The following DRC11 variants were observed in gnomAD, a reference collection of about 807,000 sequenced individuals.
DRC11 encodes dynein regulatory complex subunit 11, also known as IQ and AAA domain-containing protein 1.
chr2:236,389,871 T>G, the DRC11 span, among the ~76,000 whole-genome samples: 1 of 152,224 alleles, frequency 6.6e-6, no homozygotes, highest in East Asian at 1.9e-4. Flanking sequence ...TTTTCAATAT[T>G]CTTATATTTA....
the DRC11 span, among the ~76,000 whole-genome samples, chr2:236,501,643 C>T: frequency 1.3e-5 from 2 of 151,972 alleles, no homozygotes; most frequent in South Asian, 2.1e-4. Flanking sequence ...TTCTAGGGCC[C>T]GAGAAGGGAC....
chr2:236,416,743 ATATAT>A, the DRC11 span, among the ~76,000 whole-genome samples: 1 of 56,424 alleles, frequency 1.8e-5, no homozygotes, highest in Admixed American at 1.8e-4. Flanking sequence ...ATATATATAT[ATATAT>A]ATATATATAT....
chr2:236,317,626 A>G, the DRC11 span, among the ~76,000 whole-genome samples: 1 of 152,186 alleles, frequency 6.6e-6, no homozygotes, highest in Non-Finnish European at 1.5e-5. The surrounding 1 kb of genome is among the most constrained non-coding windows in gnomAD (Gnocchi z 5.4). Flanking sequence ...ACATTTTGCT[A>G]GTTGAGCCCT....
At chr2:236,383,447 G>A in the DRC11 span, among the ~76,000 whole-genome samples, 1 of 151,602 alleles carries the variant, frequency 6.6e-6, no homozygotes, top group African/African-American at 2.4e-5. Context: ...ATGGATTTCT[G>A]CTCTAATCTT....
chr2:236,408,195 A>G, the DRC11 span: 1 of 755,232 alleles, frequency 1.3e-6, no homozygotes, highest in Non-Finnish European at 2.5e-6. The surrounding 1 kb of genome is among the most constrained non-coding windows in gnomAD (Gnocchi z 5.5). Flanking sequence ...CGTCCTTGAT[A>G]AGGTAGCCCT....
At chr2:236,418,857 T>C in the DRC11 span, among the ~76,000 whole-genome samples, 1 of 152,256 alleles carries the variant, frequency 6.6e-6, no homozygotes, top group Non-Finnish European at 1.5e-5. Context: ...GGATAATTTA[T>C]TTTGAGGAAG....
At chr2:236,404,716 C>A in the DRC11 span, among the ~76,000 whole-genome samples, 128 of 152,340 alleles carry the variant, frequency 8.4e-4, no homozygotes, top group Admixed American at 2.1e-3. Context: ...ACCATGTAGA[C>A]AGATATCTCC....
the DRC11 span, among the ~76,000 whole-genome samples, chr2:236,459,612 TATAAGTATATAC>T: frequency 4.7e-4 from 65 of 139,616 alleles, no homozygotes; most frequent in African/African-American, 1.3e-3. Flanking sequence ...TATATACGTA[TATAAGTATATAC>T]ATACGTATAT....
the DRC11 span, among the ~76,000 whole-genome samples, chr2:236,427,660 C>G: frequency 6.6e-6 from 1 of 151,990 alleles, no homozygotes; most frequent in Non-Finnish European, 1.5e-5. This position sits in a 1 kb window ranked among gnomAD's most constrained non-coding sequence, Gnocchi z 5.9. Flanking sequence ...AGTTAACAGC[C>G]TGTCAATTTT....
chr2:236,431,996 T>C, the DRC11 span, among the ~76,000 whole-genome samples: 2 of 152,230 alleles, frequency 1.3e-5, no homozygotes, highest in Non-Finnish European at 2.9e-5. The surrounding 1 kb of genome is among the most constrained non-coding windows in gnomAD (Gnocchi z 4.2). Context: ...TTTAACTTTT[T>C]AAGAAATTGG....
the DRC11 span, chr2:236,391,893 G>T: frequency 8.4e-7 from 1 of 1,197,440 alleles, no homozygotes; most frequent in Non-Finnish European, 1.2e-6. The surrounding 1 kb of genome is among the most constrained non-coding windows in gnomAD (Gnocchi z 4.5). Flanking sequence ...GGCCCTCCTG[G>T]ACATGCCACA....
the DRC11 span, among the ~76,000 whole-genome samples, chr2:236,506,132 T>C: frequency 2.6e-4 from 39 of 152,352 alleles, no homozygotes; most frequent in African/African-American, 8.2e-4. This position sits in a 1 kb window ranked among gnomAD's most constrained non-coding sequence, Gnocchi z 4.9. Flanking sequence ...AAGAAGTTAC[T>C]TCTCCTGGAA....
chr2:236,440,935 T>C, the DRC11 span: 1 of 678,060 alleles, frequency 1.5e-6, no homozygotes, highest in East Asian at 2.8e-5. Context: ...TAAATATTTG[T>C]AGGAAAATAA....
the DRC11 span, among the ~76,000 whole-genome samples, chr2:236,421,173 T>C: frequency 6.6e-6 from 1 of 152,110 alleles, no homozygotes; most frequent in African/African-American, 2.4e-5. Flanking sequence ...AGCAAACACA[T>C]TCAAAAGCTA....
At chr2:236,319,335 T>C in the DRC11 span, among the ~76,000 whole-genome samples, 2 of 152,332 alleles carry the variant, frequency 1.3e-5, no homozygotes, top group African/African-American at 4.8e-5. This position sits in a 1 kb window ranked among gnomAD's most constrained non-coding sequence, Gnocchi z 6.7. Context: ...GAAATGCACG[T>C]CCAGGGAGAA....
the DRC11 span, among the ~76,000 whole-genome samples, chr2:236,430,263 T>C: frequency 1.3e-5 from 2 of 152,176 alleles, no homozygotes; most frequent in African/African-American, 2.4e-5. The surrounding 1 kb of genome is among the most constrained non-coding windows in gnomAD (Gnocchi z 6.0). Context: ...TTGCCAATTG[T>C]ATAGGTGAAA....
chr2:236,477,724 G>C, the DRC11 span, among the ~76,000 whole-genome samples: 1 of 152,098 alleles, frequency 6.6e-6, no homozygotes, highest in South Asian at 2.1e-4. Context: ...GTCATCATTG[G>C]TCTGTTCAGG....
At chr2:236,340,754 C>T in the DRC11 span, among the ~76,000 whole-genome samples, 1 of 152,204 alleles carries the variant, frequency 6.6e-6, no homozygotes, top group East Asian at 1.9e-4. Flanking sequence ...ACACTGTTAC[C>T]TTTCTGTCCT....
At chr2:236,436,555 TTATTATTTATTAAATAA>T in the DRC11 span, among the ~76,000 whole-genome samples, 2 of 152,162 alleles carry the variant, frequency 1.3e-5, no homozygotes, top group Non-Finnish European at 2.9e-5. Context: ...GGTGAGCCAG[TTATTATTTATTAAATAA>T]TATTATTTAT....
Sources: allele counts gnomAD v4.1 joint callset (sites outside exome capture counted in the v4.1 genomes callset), GRCh38; gene constraint gnomAD v4.1.1; non-coding constraint Gnocchi (gnomAD v3.1); transcripts MANE v1.5; gene names NCBI Gene and HGNC (gene_info 2026-07-23, HGNC 2026-07-21).